ADAMTS19: variants seen among roughly 807,000 people sequenced by gnomAD.
ADAMTS19 encodes A disintegrin and metalloproteinase with thrombospondin motifs 19.
A neutral mutation model predicts 153.3 loss-of-function variants in ADAMTS19; 93 were observed. The observed-to-expected ratio is 0.61, with a 90% CI of 0.51 to 0.72. The LOEUF (loss-of-function observed/expected upper bound fraction) is 0.72, where lower values mean the gene tolerates loss of function less well. Ranked by LOEUF, ADAMTS19 falls within the 30% of genes least tolerant of loss-of-function variation. The pLI is 0.00. For missense variants in ADAMTS19, 1,482 were observed against 1,552.1 expected (o/e 0.95, Z 0.76); for synonymous variants, 600 against 556.6 (o/e 1.08, Z -1.10).
chr5:129,556,578 C>G (rs1753317898), intron 7 of ADAMTS19, among the ~76,000 whole-genome samples: 1 of 152,054 alleles, frequency 6.6e-6, no homozygotes, highest in African/African-American at 2.4e-5. Flanking sequence ...TTAAGGCTGC[C>G]AATCAACTGA....
chr5:129,653,118 T>G (rs1420449348), intron 13 of ADAMTS19, among the ~76,000 whole-genome samples: 3 of 152,216 alleles, frequency 2.0e-5, no homozygotes, highest in Non-Finnish European at 4.4e-5. Context: ...CTTTGCAAAG[T>G]GATACCCTGT....
chr5:129,559,073 A>G (rs1753411893), intron 7 of ADAMTS19, among the ~76,000 whole-genome samples: 1 of 152,088 alleles, frequency 6.6e-6, no homozygotes, highest in Non-Finnish European at 1.5e-5. Context: ...TATTTCATGG[A>G]TTTTAAAGTA....
intron 15 of ADAMTS19, among the ~76,000 whole-genome samples, chr5:129,663,929 C>T (rs1199304402): frequency 6.6e-6 from 1 of 152,208 alleles, no homozygotes; most frequent in Admixed American, 6.5e-5. Flanking sequence ...TCCTTATACA[C>T]AGTGAACTCA....
intron 19 of ADAMTS19, among the ~76,000 whole-genome samples, chr5:129,697,360 G>T (rs1206798527): frequency 6.6e-6 from 1 of 152,068 alleles, no homozygotes; most frequent in Non-Finnish European, 1.5e-5. Context: ...CAGCTGGGGG[G>T]CTTAAAATTC....
Position 129,737,212 on chromosome 5 carries a change from G to A in ADAMTS19, c.3636G>A (p.Lys1212=). Residue 1212 remains lysine, a synonymous_variant, in exon 23 of 23, where the codon AAG becomes AAA. Transcript: ENST00000274487. The part of the protein sequence containing the change: ...RDFYAQKLQQ[K]S ...TCTATGCCCAAAAGCTGCAGCAGAA[G>A]AGTTGACCTCTAGCAGGCTGGCTGG... 1 of 1,598,028 alleles carries A rather than the reference G, an allele frequency of 6.3e-7. No individual in the cohort carries two copies. Among genetic ancestry groups the A allele is most frequent in the Admixed American group, 1.7e-5 (1 of 58,950 alleles).
intron 2 of ADAMTS19, among the ~76,000 whole-genome samples, chr5:129,507,621 T>C (rs544016743): frequency 6.6e-6 from 1 of 151,662 alleles, no homozygotes; most frequent in African/African-American, 2.4e-5. Flanking sequence ...AAATCTTTCT[T>C]AATTATCCCT....
chr5:129,691,469 T>C (rs1489616166), intron 18 of ADAMTS19, among the ~76,000 whole-genome samples: 2 of 152,152 alleles, frequency 1.3e-5, no homozygotes, highest in African/African-American at 4.8e-5. Context: ...ATACTGCTAT[T>C]AGATGCTAGA....
chr5:129,658,673 A>G lies in ADAMTS19; in HGVS notation c.2361A>G (p.Val787=), dbSNP rs202188737. 20 of 1,613,370 alleles carry G rather than the reference A, an allele frequency of 1.2e-5. No homozygotes were observed. Among genetic ancestry groups the G allele is most frequent in the Non-Finnish European group, 1.7e-5 (20 of 1,179,648 alleles). The change falls in exon 15 of 23, where the codon GTA becomes GTG. Residue 787 remains valine (V), a synonymous_variant. Transcript: ENST00000274487. ...TTGCAAGAGAAGATCATTGTGGTGT[A>G]TGCAATGGCAATGGAAAATCATGCA... The part of the protein sequence containing the change: ...GSLAREDHCG[V]CNGNGKSCKI...
intron 4 of ADAMTS19, 155 bp downstream of exon 4, chr5:129,526,611 T>G (rs1166257429): frequency 1.5e-6 from 1 of 669,640 alleles, no homozygotes; most frequent in African/African-American, 1.9e-5. Context: ...ATAAAATTGA[T>G]CCATCTCAAA....
intron 21 of ADAMTS19, among the ~76,000 whole-genome samples, chr5:129,717,921 T>C (rs1004397673): frequency 3.9e-5 from 6 of 152,158 alleles, no homozygotes; most frequent in Admixed American, 2.6e-4. Context: ...GGACTAGACA[T>C]GGAAAGTATT....
At chr5:129,666,093 C>T (rs1453270880) in intron 16 of ADAMTS19, among the ~76,000 whole-genome samples, 1 of 151,170 alleles carries the variant, frequency 6.6e-6, no homozygotes, top group Non-Finnish European at 1.5e-5. Flanking sequence ...TCTCTCTTGC[C>T]TCATTTTAGG....
At chr5:129,683,472 T>A (rs7714153) in intron 17 of ADAMTS19, among the ~76,000 whole-genome samples, 3,049 of 152,234 alleles carry the variant, frequency 0.02, 74 homozygotes, top group African/African-American at 0.064. Context: ...AACATAAATT[T>A]AACTTCAAAG....
chr5:129,471,115 TGAGGTA>T (rs1416172957), intron 2 of ADAMTS19, among the ~76,000 whole-genome samples: 2 of 151,572 alleles, frequency 1.3e-5, no homozygotes, highest in East Asian at 3.9e-4. Flanking sequence ...GGTGGTTTGG[TGAGGTA>T]GAGGTAGTTG....
intron 19 of ADAMTS19, among the ~76,000 whole-genome samples, chr5:129,698,423 C>T (rs543376601): frequency 1.3e-5 from 2 of 152,196 alleles, no homozygotes; most frequent in South Asian, 2.1e-4. Flanking sequence ...CTAAATGGCC[C>T]GATGGCATTC....
At chr5:129,658,357 GAAAGAAAGAA>G (rs1561632463) in intron 14 of ADAMTS19, among the ~76,000 whole-genome samples, 7 of 150,590 alleles carry the variant, frequency 4.6e-5, no homozygotes, top group East Asian at 3.9e-4. Flanking sequence ...AAGAAAGAAA[GAAAGAAAGAA>G]AGAGAGAGAG....
chr5:129,529,027 A>G (rs1040656567), intron 6 of ADAMTS19, among the ~76,000 whole-genome samples: 1 of 152,086 alleles, frequency 6.6e-6, no homozygotes, highest in African/African-American at 2.4e-5. Flanking sequence ...TCACCATATA[A>G]AGTAACCTAA....
At chr5:129,606,651 G>C (rs1237037165) in intron 8 of ADAMTS19, among the ~76,000 whole-genome samples, 2 of 152,082 alleles carry the variant, frequency 1.3e-5, no homozygotes, top group African/African-American at 2.4e-5. Context: ...AAATTCCTTA[G>C]CCTGAGATTC....
chr5:129,662,531 T>G (rs1753856478), intron 15 of ADAMTS19, among the ~76,000 whole-genome samples: 1 of 152,234 alleles, frequency 6.6e-6, no homozygotes, highest in African/African-American at 2.4e-5. Flanking sequence ...AATATAACTA[T>G]AAACTTAGAT....
chr5:129,671,209 A>G (rs897353942), intron 16 of ADAMTS19, among the ~76,000 whole-genome samples: 2 of 152,106 alleles, frequency 1.3e-5, no homozygotes, highest in Non-Finnish European at 2.9e-5. Flanking sequence ...TAACTAGAGA[A>G]TAGAAATAGG....
Sources: allele counts gnomAD v4.1 joint callset (sites outside exome capture counted in the v4.1 genomes callset), GRCh38; gene constraint gnomAD v4.1.1; transcripts MANE v1.5; gene names NCBI Gene and HGNC (gene_info 2026-07-23, HGNC 2026-07-21).